LAPTM4B: variants seen among roughly 807,000 people sequenced by gnomAD.
LAPTM4B encodes the protein lysosomal-associated transmembrane protein 4B.
LAPTM4B carries 26 observed loss-of-function variants against 28.5 expected under a neutral mutation model. The ratio of observed to expected loss-of-function variants is 0.91; its 90% CI spans 0.67 to 1.27. LAPTM4B has a LOEUF of 1.27. Ranked by LOEUF, LAPTM4B falls within the 50% of genes most tolerant of loss-of-function variation. The pLI, the probability that LAPTM4B is intolerant of heterozygous loss-of-function variation, is 0.00. For missense variants in LAPTM4B, 288 were observed against 285.8 expected, an observed-to-expected ratio of 1.01 and a Z score of -0.06; for synonymous variants, 109 against 106.4, an observed-to-expected ratio of 1.02 and a Z score of -0.15.
chr8:97,815,525 G>T, intron 3 of LAPTM4B, 124 bp downstream of exon 3: 1 of 758,094 alleles, frequency 1.3e-6, no homozygotes. Context: ...TAAATCTCTC[G>T]TTTGTATTAT....
intron 2 of LAPTM4B, among the ~76,000 whole-genome samples, chr8:97,814,175 CA>C (rs1382943724): frequency 1.3e-5 from 2 of 152,138 alleles, no homozygotes; most frequent in Admixed American, 6.5e-5. Flanking sequence ...ATTGGGAGAC[CA>C]AACAAGACTC....
intron 2 of LAPTM4B, among the ~76,000 whole-genome samples, chr8:97,809,996 C>T (rs947546875): frequency 3.9e-5 from 6 of 152,156 alleles, no homozygotes; most frequent in African/African-American, 1.4e-4. Flanking sequence ...CGCACACAAT[C>T]TGGGCTTACT....
chr8:97,823,351 TTTTTG>T (rs1185680005), intron 5 of LAPTM4B, among the ~76,000 whole-genome samples: 1 of 36,610 alleles, frequency 2.7e-5, no homozygotes, highest in Admixed American at 2.0e-4. Context: ...ATGGTTTTTT[TTTTTG>T]TTTTTTTTTT....
At chr8:97,817,915 G>T (rs1341203669) in intron 4 of LAPTM4B, among the ~76,000 whole-genome samples, 2 of 151,764 alleles carry the variant, frequency 1.3e-5, no homozygotes, top group African/African-American at 4.8e-5. Flanking sequence ...CTGGGCTCAA[G>T]TGATCCTTCC....
Position 97,835,686 on chromosome 8 carries a change from T to A in LAPTM4B, c.603+10533T>A, listed in dbSNP as rs143514417. Reference sequence around the variant, plus strand: ...TCCTTTTTTGAGTCTGCAGCTCCCTTGGGCGGGCCTGCTGGTGGTGCCTTG... The same window carrying A: ...TCCTTTTTTGAGTCTGCAGCTCCCTAGGGCGGGCCTGCTGGTGGTGCCTTG... On this transcript the variant is annotated intron_variant, in intron 6 of 6. Coordinates refer to ENST00000521545, the MANE Select transcript of LAPTM4B (RefSeq NM_018407.6). Among the ~76,000 whole-genome samples the A allele has an allele frequency of 8.0e-3, 1,219 of 152,314 alleles. 15 individuals carry two copies. The highest frequency in any genetic ancestry group is 0.027 in the African/African-American group (1,125 of 41,562).
chr8:97,842,304 A>C (rs539009338), intron 6 of LAPTM4B, among the ~76,000 whole-genome samples: 1 of 152,014 alleles, frequency 6.6e-6, no homozygotes, highest in Non-Finnish European at 1.5e-5. Flanking sequence ...ATACAATAAA[A>C]TGGTGACAGG....
At chr8:97,797,555 A>G (rs1816610298) in intron 1 of LAPTM4B, among the ~76,000 whole-genome samples, 3 of 152,214 alleles carry the variant, frequency 2.0e-5, no homozygotes, top group East Asian at 1.9e-4. Flanking sequence ...CTTGGCTTTA[A>G]TATTCAGTCA....
chr8:97,781,141 G>A (rs894088669), intron 1 of LAPTM4B, among the ~76,000 whole-genome samples: 1 of 150,252 alleles, frequency 6.7e-6, no homozygotes, highest in East Asian at 2.0e-4. Flanking sequence ...GGTGAGCTCC[G>A]GGCTAATTTT....
At chr8:97,805,681 AATGATTGC>A (rs1816748864) in intron 2 of LAPTM4B, among the ~76,000 whole-genome samples, 1 of 151,928 alleles carries the variant, frequency 6.6e-6, no homozygotes, top group Non-Finnish European at 1.5e-5. Flanking sequence ...CCCACTTAAA[AATGATTGC>A]ATTATCATAG....
chr8:97,799,846 G>A (rs866457250), intron 1 of LAPTM4B, among the ~76,000 whole-genome samples: 17 of 152,120 alleles, frequency 1.1e-4, no homozygotes, highest in African/African-American at 3.9e-4. Flanking sequence ...CCCTGACCCT[G>A]GCGTTCCAGC....
At chr8:97,815,598 A>G (rs1444851044) in intron 3 of LAPTM4B, among the ~76,000 whole-genome samples, 197 bp downstream of exon 3, 3 of 151,642 alleles carry the variant, frequency 2.0e-5, no homozygotes, top group Non-Finnish European at 4.4e-5. Context: ...ACGGGGTCTC[A>G]CTCTGTCACA....
At chr8:97,849,669 C>T (rs1435474141) in intron 6 of LAPTM4B, among the ~76,000 whole-genome samples, 2 of 152,238 alleles carry the variant, frequency 1.3e-5, no homozygotes, top group Non-Finnish European at 2.9e-5. Context: ...TTATCGGCTT[C>T]TTGCATCACA....
intron 2 of LAPTM4B, among the ~76,000 whole-genome samples, chr8:97,807,725 A>G (rs1302389844): frequency 6.6e-6 from 1 of 152,114 alleles, no homozygotes; most frequent in Non-Finnish European, 1.5e-5. Context: ...GCCCTGAAGG[A>G]GCTCCAACTG....
intron 6 of LAPTM4B, among the ~76,000 whole-genome samples, chr8:97,833,081 C>T (rs1369820567): frequency 6.6e-6 from 1 of 151,588 alleles, no homozygotes; most frequent in Admixed American, 6.6e-5. Flanking sequence ...CACCTGTAAT[C>T]CCAGCACTTC....
chr8:97,838,434 C>G (rs1466433082), intron 6 of LAPTM4B, among the ~76,000 whole-genome samples: 1 of 152,218 alleles, frequency 6.6e-6, no homozygotes, highest in African/African-American at 2.4e-5. Context: ...CCCATCAGGC[C>G]TTGTGCCGAG....
Position 97,851,545 on chromosome 8 carries a change from C to A in LAPTM4B, c.*71C>A. ...CATCTGAGCAATAGTTCTGTTATTTCACTTTTGCCATGAGCCTCTCTGAGC... is the reference window on the plus strand; with the variant it reads ...CATCTGAGCAATAGTTCTGTTATTTAACTTTTGCCATGAGCCTCTCTGAGC... On this transcript the variant is annotated 3_prime_UTR_variant, in exon 7 of 7. Coordinates refer to ENST00000521545, the MANE Select transcript of LAPTM4B (RefSeq NM_018407.6). 8.5e-7 allele frequency: 1 copy of A among 1,170,406 alleles called. No individual in the cohort carries two copies. The allele number at this position is 1,170,406 out of a possible 1,614,324, so 72.5% of individuals were successfully genotyped here. A position where few individuals can be genotyped will look rare whatever the true frequency, so the allele number is the denominator to read the frequency against.
At chr8:97,822,730 G>GTA (rs1431306826) in intron 5 of LAPTM4B, among the ~76,000 whole-genome samples, 2 of 152,058 alleles carry the variant, frequency 1.3e-5, no homozygotes, top group Non-Finnish European at 2.9e-5. Flanking sequence ...CATACCAAGT[G>GTA]TATATATTTA....
chr8:97,817,264 T>G (rs1816933009), intron 4 of LAPTM4B, among the ~76,000 whole-genome samples: 1 of 151,884 alleles, frequency 6.6e-6, no homozygotes, highest in South Asian at 2.1e-4. Context: ...CTTGAGTAGC[T>G]GGCACTATAG....
At chr8:97,781,028 C>A (rs938357893) in intron 1 of LAPTM4B, among the ~76,000 whole-genome samples, 3 of 151,202 alleles carry the variant, frequency 2.0e-5, no homozygotes, top group African/African-American at 7.3e-5. Context: ...CTCGCTCTGA[C>A]GCCCAGGCTG....
Sources: allele counts gnomAD v4.1 joint callset (sites outside exome capture counted in the v4.1 genomes callset), GRCh38; gene constraint gnomAD v4.1.1; transcripts MANE v1.5; gene names NCBI Gene and HGNC (gene_info 2026-07-23, HGNC 2026-07-21).